The following CALN1 variants were observed in gnomAD, a reference collection of about 807,000 sequenced individuals.
CALN1 encodes calcium-binding protein 8.
In CALN1, 17 loss-of-function variants were observed where a neutral mutation model predicts 30.6. The ratio of observed to expected loss-of-function variants is 0.56; its 90% CI spans 0.38 to 0.83. The LOEUF is 0.83. Among genes scored for constraint, CALN1 ranks in the 40% least tolerant of loss-of-function variants. The pLI is 0.00. For missense variants in CALN1, 291 were observed against 354.9 expected (o/e 0.82, Z 1.45); for synonymous variants, 156 against 131.4 (o/e 1.19, Z -1.28).
intron 5 of CALN1, among the ~76,000 whole-genome samples, chr7:71,989,882 A>G (rs566622347): frequency 6.6e-6 from 1 of 152,318 alleles, no homozygotes; most frequent in South Asian, 2.1e-4. Context: ...AATGAAGCCG[A>G]AAGGGATTCA....
intron 4 of CALN1, among the ~76,000 whole-genome samples, chr7:72,064,863 T>C (rs1399860363): frequency 1.3e-5 from 2 of 151,896 alleles, no homozygotes. Context: ...TGGTGCTTGC[T>C]CAGGCATTTA....
chr7:72,192,475 G>C (rs1790676475), intron 3 of CALN1, among the ~76,000 whole-genome samples: 1 of 152,138 alleles, frequency 6.6e-6, no homozygotes. Flanking sequence ...AGGCAATAAA[G>C]AGCAGTGAAA....
At chr7:71,924,816 T>C (rs867361353) in intron 5 of CALN1, among the ~76,000 whole-genome samples, 67 of 152,352 alleles carry the variant, frequency 4.4e-4, no homozygotes, top group African/African-American at 1.6e-3. Flanking sequence ...CATTTAACTT[T>C]GACATGTGCT....
chr7:72,366,049 A>C (rs1211159193), intron 2 of CALN1, among the ~76,000 whole-genome samples: 1 of 152,224 alleles, frequency 6.6e-6, no homozygotes, highest in Non-Finnish European at 1.5e-5. Flanking sequence ...TGTGGAATAA[A>C]GCATTGCTCA....
intron 4 of CALN1, among the ~76,000 whole-genome samples, chr7:72,076,060 C>T (rs1804705934): frequency 1.3e-5 from 2 of 152,098 alleles, no homozygotes; most frequent in Non-Finnish European, 2.9e-5. Context: ...AAATGCCAAG[C>T]TCTGTCCTAG....
intron 3 of CALN1, among the ~76,000 whole-genome samples, chr7:72,112,048 G>A (rs778945527): frequency 6.6e-6 from 1 of 152,100 alleles, no homozygotes; most frequent in Non-Finnish European, 1.5e-5. Context: ...ACCGTGCCAG[G>A]CTCTCTTTTT....
intron 5 of CALN1, among the ~76,000 whole-genome samples, chr7:71,864,415 G>A (rs1272174704): frequency 6.6e-6 from 1 of 152,144 alleles, no homozygotes; most frequent in East Asian, 1.9e-4. Context: ...AGGATTCATG[G>A]GCAGCCTGTA....
chr7:72,213,621 A>T (rs1792568984), intron 3 of CALN1, among the ~76,000 whole-genome samples: 1 of 152,186 alleles, frequency 6.6e-6, no homozygotes, highest in Admixed American at 6.5e-5. Context: ...TGTATGAGCT[A>T]ATGTTTATTT....
intron 5 of CALN1, among the ~76,000 whole-genome samples, chr7:72,014,844 G>A (rs951229757): frequency 1.3e-5 from 2 of 152,004 alleles, no homozygotes; most frequent in Admixed American, 6.6e-5. Flanking sequence ...GTATTTGTTT[G>A]TAGAGTCAGG....
intron 3 of CALN1, among the ~76,000 whole-genome samples, chr7:72,129,720 C>G (rs1421251780): frequency 1.3e-5 from 2 of 152,160 alleles, no homozygotes; most frequent in African/African-American, 2.4e-5. Context: ...CCTTAGCATT[C>G]ATGACACTCA....
chr7:72,073,638 T>C (rs1804546741), intron 4 of CALN1, among the ~76,000 whole-genome samples: 1 of 151,986 alleles, frequency 6.6e-6, no homozygotes, highest in South Asian at 2.1e-4. Context: ...TCTCTGTCTT[T>C]TTCCTTCCTG....
chr7:71,944,776 A>G (rs1485393041), intron 5 of CALN1, among the ~76,000 whole-genome samples: 1 of 152,196 alleles, frequency 6.6e-6, no homozygotes, highest in African/African-American at 2.4e-5. Context: ...GTTTACAAAC[A>G]ATTGCTACCC....
Position 71,941,876 on chromosome 7 carries a change from A to G in CALN1, c.501+81781T>C, listed in dbSNP as rs377262505. Among the ~76,000 whole-genome samples the G allele has an allele frequency of 7.9e-5, 12 of 152,272 alleles. No individual in the cohort carries two copies. In the East Asian group the frequency reaches 2.1e-3, roughly 27 times the overall value. ...GTTTGGGGATTAGGGATTGGGAGACATTCTGACTGCCCCTCATTAGGGACA... is the reference window on the plus strand; with the variant it reads ...GTTTGGGGATTAGGGATTGGGAGACGTTCTGACTGCCCCTCATTAGGGACA... On this transcript the variant is annotated intron_variant, in intron 5 of 6. Coordinates refer to ENST00000395275, the MANE Select transcript of CALN1 (RefSeq NM_031468.4).
intron 4 of CALN1, among the ~76,000 whole-genome samples, chr7:72,035,848 T>A (rs1298555325): frequency 5.3e-5 from 8 of 152,220 alleles, no homozygotes; most frequent in African/African-American, 1.9e-4. Context: ...TGTCTTAAAT[T>A]ATGTAGAAAA....
chr7:72,117,855 G>A (rs927687066), intron 3 of CALN1, among the ~76,000 whole-genome samples: 1 of 151,946 alleles, frequency 6.6e-6, no homozygotes, highest in African/African-American at 2.4e-5. Flanking sequence ...ATACTCAGGA[G>A]GCTGAGGCAG....
chr7:72,093,089 A>G (rs1230855796), intron 4 of CALN1, among the ~76,000 whole-genome samples: 3 of 152,320 alleles, frequency 2.0e-5, no homozygotes, highest in East Asian at 3.9e-4. Context: ...CAGCCTGCAA[A>G]GGGGAAAAAA....
chr7:72,152,202 G>C (rs1787306186), intron 3 of CALN1, among the ~76,000 whole-genome samples: 1 of 151,898 alleles, frequency 6.6e-6, no homozygotes, highest in South Asian at 2.1e-4. Flanking sequence ...CGCCATCCCT[G>C]GTCTATACAT....
intron 2 of CALN1, among the ~76,000 whole-genome samples, chr7:72,335,807 G>A (rs758222659): frequency 3.9e-4 from 59 of 152,318 alleles, no homozygotes; most frequent in Admixed American, 7.8e-4. Flanking sequence ...GACGCAAGCC[G>A]ATCCCCTCGG....
intron 2 of CALN1, chr7:72,336,947 C>T (rs1802100567): frequency 1.0e-6 from 1 of 985,214 alleles, no homozygotes; most frequent in Non-Finnish European, 1.2e-6. Context: ...GCACGAGCCC[C>T]CTCGTCGACT....
Sources: allele counts gnomAD v4.1 joint callset (sites outside exome capture counted in the v4.1 genomes callset), GRCh38; gene constraint gnomAD v4.1.1; transcripts MANE v1.5; gene names NCBI Gene and HGNC (gene_info 2026-07-23, HGNC 2026-07-21).